ARFGEF2: variants seen among roughly 807,000 people sequenced by gnomAD.
ARFGEF2 encodes brefeldin A-inhibited guanine nucleotide-exchange protein 2.
ARFGEF2 carries 74 observed loss-of-function variants against 219.9 expected under a neutral mutation model. That is an observed-to-expected ratio of 0.34 (90% CI 0.28 to 0.41). The LOEUF is 0.41. Ranked by LOEUF, ARFGEF2 falls within the 10% of genes least tolerant of loss-of-function variation. ARFGEF2 has a pLI of 1.00. For synonymous variants in ARFGEF2, 733 were observed against 799.2 expected (o/e 0.92, Z 1.40); for missense variants, 1,743 against 2,218.3 (o/e 0.79, Z 4.30).
intron 26 of ARFGEF2, among the ~76,000 whole-genome samples, chr20:49,009,823 A>G (rs1234360583): frequency 1.3e-5 from 2 of 152,250 alleles, no homozygotes; most frequent in Admixed American, 1.3e-4. Context: ...GAATTATATT[A>G]TTTGAAATGT....
At chr20:48,930,555 C>A (rs190136926) in intron 1 of ARFGEF2, among the ~76,000 whole-genome samples, 2 of 152,294 alleles carry the variant, frequency 1.3e-5, no homozygotes, top group African/African-American at 2.4e-5. Flanking sequence ...ATTTCTGACT[C>A]ACCCAGCTGG....
At chr20:48,950,804 AAAAAAAAATATATAT>A (rs1343911262) in intron 3 of ARFGEF2, among the ~76,000 whole-genome samples, 8 of 43,482 alleles carry the variant, frequency 1.8e-4, no homozygotes, top group Admixed American at 1.0e-3. Context: ...TAAAAAAAAA[AAAAAAAAATATATAT>A]ATATATATAT....
rs1344576291 is a variant in ARFGEF2, at chr20:48,921,840, C to G, written c.-50C>G. ...GGGCCCGCAGCCTAGCTCGCCATCT[C>G]GCTCACGCCGCCCGCCCGCGGGGCC... On this transcript the variant is annotated 5_prime_UTR_variant, in exon 1 of 39. Coordinates refer to ENST00000371917, the MANE Select transcript of ARFGEF2 (RefSeq NM_006420.3). The G allele has an allele frequency of 6.8e-6, 10 of 1,478,890 alleles. No homozygotes were observed. Among genetic ancestry groups the G allele is most frequent in the Non-Finnish European group, 9.0e-6 (10 of 1,108,530 alleles). The allele number at this position is 1,478,890 out of a possible 1,614,324, so 91.6% of individuals were successfully genotyped here.
At chr20:48,963,932 C>G in intron 7 of ARFGEF2, 34 bp downstream of exon 7, 1 of 1,603,572 alleles carries the variant, frequency 6.2e-7, no homozygotes, top group Non-Finnish European at 8.5e-7. Context: ...CTTTCCTCTT[C>G]CCTCATTCCT....
Position 49,035,855 on chromosome 20 carries a change from C to A in ARFGEF2, c.*2656C>A. The A allele has an allele frequency of 3.0e-5, 7 of 232,190 alleles. No individual in the cohort carries two copies. Among genetic ancestry groups the A allele is most frequent in the Admixed American group, 1.1e-4 (2 of 17,790 alleles). 14.4% of individuals were successfully genotyped at this position (232,190 alleles called of 1,614,324 possible). ...AACAGTGGATGGGTAATTTTTATTT[C>A]TGATACGCATCTTTAGAGTCAAATA... On this transcript the variant is annotated 3_prime_UTR_variant, in exon 39 of 39. Transcript: ENST00000371917.
intron 36 of ARFGEF2, among the ~76,000 whole-genome samples, chr20:49,026,438 T>A (rs1192997998): frequency 6.6e-6 from 1 of 152,148 alleles, no homozygotes; most frequent in Non-Finnish European, 1.5e-5. Context: ...AGCCTTATAT[T>A]TACTTTCCTA....
chr20:48,968,154 T>C (rs1038870215), intron 8 of ARFGEF2, among the ~76,000 whole-genome samples: 5 of 151,854 alleles, frequency 3.3e-5, no homozygotes, highest in Non-Finnish European at 5.9e-5. Flanking sequence ...CCACCACGCC[T>C]GGCTAATTTT....
rs707533 is a variant in ARFGEF2, at chr20:49,035,717, A to G, written c.*2518A>G. 0.36 allele frequency: 55,068 copies of G among 152,740 alleles called. 10,787 individuals are homozygous for G. Among genetic ancestry groups the G allele is most frequent in the African/African-American group, 0.53 (21,922 of 41,472 alleles). The allele number at this position is 152,740 out of a possible 1,614,324, so 9.5% of individuals were successfully genotyped here. A position where few individuals can be genotyped will look rare whatever the true frequency, so the allele number is the denominator to read the frequency against. ...TCAGAATGCTTTAAGTGTTGATTAT[A>G]TGTGCTGGGTCTCTAGAGAAGTTTT... On this transcript the variant is annotated 3_prime_UTR_variant, in exon 39 of 39. Transcript: ENST00000371917.
chr20:49,019,070 A>G, intron 34 of ARFGEF2, 72 bp downstream of exon 34: 1 of 1,284,724 alleles, frequency 7.8e-7, no homozygotes, highest in South Asian at 1.3e-5. Flanking sequence ...AAGGCACAAA[A>G]GGGTAAACAT....
chr20:48,983,227 A>C (rs1568720495), intron 14 of ARFGEF2, among the ~76,000 whole-genome samples: 1 of 152,194 alleles, frequency 6.6e-6, no homozygotes, highest in Non-Finnish European at 1.5e-5. Context: ...TCTTTGAAAA[A>C]TAAAGGACAT....
intron 21 of ARFGEF2, 90 bp downstream of exon 21, chr20:48,991,288 TTTC>T: frequency 1.3e-6 from 2 of 1,557,432 alleles, no homozygotes; most frequent in Non-Finnish European, 8.8e-7. Context: ...CAGTTCTGTT[TTTC>T]TTGAAGTCAA....
In ARFGEF2 at chr20:48,988,589, A is replaced by G. The variant is rs1217152049; in HGVS notation, c.2460A>G (p.Glu820=). Residue 820 remains glutamate (E), a synonymous_variant, in exon 18 of 39, where the codon GAA becomes GAG. Coordinates refer to ENST00000371917, the MANE Select transcript of ARFGEF2 (RefSeq NM_006420.3). ...AAGAGTATCTCTCAAGCATCTATGA[A>G]GAGATAGAAGGCAAGAAAATTGCAA... is the stretch of plus-strand genomic sequence containing the variant. The part of the protein sequence containing the change: ...LPEEYLSSIY[E]EIEGKKIAMK... 1 of 1,613,970 alleles carries G rather than the reference A, an allele frequency of 6.2e-7. No individual in the cohort carries two copies. The highest frequency in any genetic ancestry group is 1.7e-5 in the Admixed American group (1 of 60,026).
intron 1 of ARFGEF2, among the ~76,000 whole-genome samples, chr20:48,940,919 C>A (rs1162391185): frequency 6.6e-6 from 1 of 152,182 alleles, no homozygotes; most frequent in East Asian, 1.9e-4. Context: ...AGAAATCCTC[C>A]TCTAAATGAG....
intron 1 of ARFGEF2, among the ~76,000 whole-genome samples, chr20:48,931,453 G>A (rs557856067): frequency 3.1e-4 from 47 of 152,268 alleles, no homozygotes; most frequent in Middle Eastern, 3.4e-3. Flanking sequence ...TGTTCTGCTG[G>A]GGAAGGCAGA....
At chr20:48,985,672 T>C in intron 16 of ARFGEF2, 59 bp downstream of exon 16, 5 of 1,561,774 alleles carry the variant, frequency 3.2e-6, no homozygotes, top group Non-Finnish European at 4.4e-6. Flanking sequence ...AGAACGCTAA[T>C]TCTAATTTGG....
chr20:48,978,456 C>T (rs2091276046), intron 14 of ARFGEF2, among the ~76,000 whole-genome samples: 1 of 152,152 alleles, frequency 6.6e-6, no homozygotes, highest in African/African-American at 2.4e-5. Flanking sequence ...AATGTGCGCT[C>T]TTTTTCGGTT....
intron 4 of ARFGEF2, among the ~76,000 whole-genome samples, chr20:48,952,026 C>A (rs1179387340): frequency 6.6e-6 from 1 of 151,826 alleles, no homozygotes; most frequent in Non-Finnish European, 1.5e-5. Flanking sequence ...CTGACCACAT[C>A]GAAACGTATA....
intron 36 of ARFGEF2, among the ~76,000 whole-genome samples, chr20:49,025,982 G>GAA (rs3092702): frequency 0.091 from 11,678 of 127,670 alleles, 683 homozygotes; most frequent in Non-Finnish European, 0.13. Flanking sequence ...ACTCCATCTG[G>GAA]AAAAAAAAAA....
intron 21 of ARFGEF2, among the ~76,000 whole-genome samples, chr20:48,992,120 A>G (rs2091360735): frequency 6.6e-6 from 1 of 152,200 alleles, no homozygotes; most frequent in Admixed American, 6.5e-5. Context: ...AGAAAAGAAG[A>G]TAAAAGATGA....
Sources: allele counts gnomAD v4.1 joint callset (sites outside exome capture counted in the v4.1 genomes callset), GRCh38; gene constraint gnomAD v4.1.1; transcripts MANE v1.5; gene names NCBI Gene and HGNC (gene_info 2026-07-23, HGNC 2026-07-21).